CADPS: variants seen among roughly 807,000 people sequenced by gnomAD.
The protein encoded by CADPS is calcium-dependent secretion activator 1.
Under a neutral mutation model 167.3 loss-of-function variants are expected in CADPS, and 57 were observed. The observed-to-expected ratio is 0.34, with a 90% confidence interval of 0.28 to 0.42. The LOEUF is 0.42. CADPS is among the 20% of genes least tolerant of loss of function. The pLI is 1.00. For synonymous variants in CADPS, 676 were observed against 635.3 expected (o/e 1.06, Z -0.96); for missense variants, 1,414 against 1,738.1 (o/e 0.81, Z 3.32).
intron 2 of CADPS, among the ~76,000 whole-genome samples, chr3:62,759,957 A>AGG (rs2084981035): frequency 2.0e-5 from 3 of 152,168 alleles, no homozygotes; most frequent in Non-Finnish European, 4.4e-5. Context: ...CTTCACCAAA[A>AGG]AGTAAAGGAT....
intron 6 of CADPS, among the ~76,000 whole-genome samples, chr3:62,597,636 T>C (rs939400825): frequency 6.6e-6 from 1 of 152,160 alleles, no homozygotes; most frequent in Non-Finnish European, 1.5e-5. Flanking sequence ...ATAAGGCGTG[T>C]AACAAGAGTC....
intron 6 of CADPS, among the ~76,000 whole-genome samples, chr3:62,593,186 T>C (rs1245140661): frequency 2.0e-5 from 3 of 152,144 alleles, no homozygotes; most frequent in East Asian, 1.9e-4. Flanking sequence ...ACTTCAACAA[T>C]AGTGGTGGGG....
chr3:62,789,481 T>C (rs2092749028), intron 1 of CADPS, among the ~76,000 whole-genome samples: 1 of 152,274 alleles, frequency 6.6e-6, no homozygotes. Flanking sequence ...ATTTTCCTTG[T>C]TTTTCATAAA....
chr3:62,733,878 A>G (rs1009083334), intron 3 of CADPS, among the ~76,000 whole-genome samples: 3 of 152,074 alleles, frequency 2.0e-5, no homozygotes, highest in African/African-American at 7.2e-5. Context: ...AAAGCTCATT[A>G]TATCATTTTT....
At chr3:62,670,118 C>T (rs1052425576) in intron 3 of CADPS, among the ~76,000 whole-genome samples, 7 of 152,140 alleles carry the variant, frequency 4.6e-5, no homozygotes, top group Non-Finnish European at 8.8e-5. Context: ...CTTAACCTCT[C>T]GGAGCATCTA....
At chr3:62,752,305 C>CA (rs1196276558) in intron 3 of CADPS, among the ~76,000 whole-genome samples, 27 of 152,066 alleles carry the variant, frequency 1.8e-4, no homozygotes, top group Admixed American at 1.8e-3. Flanking sequence ...TGACCCATCA[C>CA]AAAAAACCTT....
At chr3:62,460,028 T>C (rs2059144115) in intron 26 of CADPS, among the ~76,000 whole-genome samples, 1 of 152,246 alleles carries the variant, frequency 6.6e-6, no homozygotes, top group Non-Finnish European at 1.5e-5. Context: ...AAGTCACTAA[T>C]TGACTTCACC....
chr3:62,716,882 C>A (rs79527495), intron 3 of CADPS, among the ~76,000 whole-genome samples: 176 of 152,266 alleles, frequency 1.2e-3, no homozygotes, highest in African/African-American at 4.0e-3. Flanking sequence ...GGTGGTACAC[C>A]TGCAGATTCT....
chr3:62,578,609 CAAAAAAATAA>C (rs2082773430), intron 8 of CADPS, among the ~76,000 whole-genome samples: 5 of 67,004 alleles, frequency 7.5e-5, no homozygotes, highest in Non-Finnish European at 5.5e-5. Context: ...GACTCCGTCT[CAAAAAAATAA>C]AAAAAAAAAA....
At position 62,429,456 on chromosome 3, in the gene CADPS, G is replaced by A. The variant is rs539871280; in HGVS notation, c.3777+8648C>T. On this transcript the variant is annotated intron_variant, in intron 28 of 29. Transcript: ENST00000383710. Reference sequence around the variant, plus strand: ...GTAACTATGTATCTAGGTATTGATCGTGAAATCTTTTGATAGCCTATCTGG... The same window carrying A: ...GTAACTATGTATCTAGGTATTGATCATGAAATCTTTTGATAGCCTATCTGG... Among the ~76,000 whole-genome samples the A allele has an allele frequency of 7.9e-5, 12 of 152,252 alleles. No homozygotes were observed. The South Asian group carries it at 8.3e-4, about 11-fold the overall frequency.
chr3:62,607,863 G>C (rs2149234141), intron 6 of CADPS, among the ~76,000 whole-genome samples: 1 of 152,294 alleles, frequency 6.6e-6, no homozygotes, highest in East Asian at 1.9e-4. Context: ...GAAACCACTA[G>C]GAGTGGCCAT....
chr3:62,595,292 A>C (rs2058749764), intron 6 of CADPS, among the ~76,000 whole-genome samples: 2 of 152,134 alleles, frequency 1.3e-5, no homozygotes, highest in Admixed American at 6.5e-5. Flanking sequence ...ACACATTAGC[A>C]AAACGTTTGA....
intron 6 of CADPS, among the ~76,000 whole-genome samples, chr3:62,604,711 G>C (rs2060451155): frequency 1.3e-5 from 2 of 152,244 alleles, no homozygotes; most frequent in Non-Finnish European, 2.9e-5. Context: ...TGTAAAAGGA[G>C]GTGAGATTTT....
chr3:62,859,060 T>A (rs1396867041), intron 1 of CADPS, among the ~76,000 whole-genome samples: 5 of 152,104 alleles, frequency 3.3e-5, no homozygotes, highest in African/African-American at 1.2e-4. Context: ...TATAAAAGCA[T>A]TTGGATGAGT....
At chr3:62,746,847 C>T (rs1269126053) in intron 3 of CADPS, among the ~76,000 whole-genome samples, 1 of 152,098 alleles carries the variant, frequency 6.6e-6, no homozygotes, top group African/African-American at 2.4e-5. Flanking sequence ...TTTGTGAGAC[C>T]CTTAACAGAC....
chr3:62,530,844 C>G, intron 13 of CADPS: 1 of 1,190,632 alleles, frequency 8.4e-7, no homozygotes, highest in Non-Finnish European at 1.1e-6. Context: ...ATGAGGCATG[C>G]ACAGAGTGTG....
chr3:62,429,709 G>GA (rs11428389), intron 28 of CADPS, among the ~76,000 whole-genome samples: 17,295 of 144,020 alleles, frequency 0.12, 1,336 homozygotes, highest in Admixed American at 0.27. Flanking sequence ...TCTGCCATAA[G>GA]AAAAAAAAAA....
intron 3 of CADPS, among the ~76,000 whole-genome samples, chr3:62,684,953 C>G (rs1010789960): frequency 3.9e-5 from 6 of 151,956 alleles, no homozygotes; most frequent in Non-Finnish European, 8.8e-5. Flanking sequence ...GTAAGAAAAC[C>G]CTATGGCAGG....
At chr3:62,618,652 C>T (rs1043443199) in intron 6 of CADPS, among the ~76,000 whole-genome samples, 1 of 152,162 alleles carries the variant, frequency 6.6e-6, no homozygotes, top group African/African-American at 2.4e-5. Context: ...CTTTCAGATG[C>T]CAACTGTTTC....
Sources: allele counts gnomAD v4.1 joint callset (sites outside exome capture counted in the v4.1 genomes callset), GRCh38; gene constraint gnomAD v4.1.1; transcripts MANE v1.5; gene names NCBI Gene and HGNC (gene_info 2026-07-23, HGNC 2026-07-21).